The following AIMP1 variants were observed in gnomAD, a reference collection of about 807,000 sequenced individuals.
The protein encoded by AIMP1 is aminoacyl tRNA synthetase complex interacting multifunctional protein 1.
AIMP1 carries 24 observed loss-of-function variants against 33.1 expected under a neutral mutation model. That is an observed-to-expected ratio of 0.73 (90% CI 0.53 to 1.02). The LOEUF (loss-of-function observed/expected upper bound fraction) is 1.02, where lower values mean the gene tolerates loss of function less well. Among genes scored for constraint, AIMP1 ranks in the 50% least tolerant of loss-of-function variants. The pLI is 0.00. For synonymous variants in AIMP1, 120 were observed against 121.5 expected (o/e 0.99, Z 0.08); for missense variants, 367 against 364.8 (o/e 1.01, Z -0.05).
rs1579650962 is a variant in AIMP1 at position 106,348,364 on chromosome 4, C to G, written c.*672C>G. 1 of 151,434 alleles carries G rather than the reference C, an allele frequency of 6.6e-6. No individual in the cohort carries two copies. The highest frequency in any genetic ancestry group is 2.4e-5 in the African/African-American group (1 of 41,326). 9.4% of individuals were successfully genotyped at this position (151,434 alleles called of 1,614,324 possible). On this transcript the variant is annotated 3_prime_UTR_variant, in exon 7 of 7. Transcript: ENST00000672341. ...GTTTTGACTAGGTCTAAAGAATGAA[C>G]ACATTGTAAACAGTTGCCACAGTAG...
At chr4:106,325,183 A>G (rs1466121644) in intron 2 of AIMP1, 65 bp downstream of exon 2, 1 of 1,406,756 alleles carries the variant, frequency 7.1e-7, no homozygotes, top group Non-Finnish European at 9.9e-7. Context: ...TGGAGAAAAA[A>G]TAATGTTTAC....
chr4:106,321,209 C>T (rs62318118), intron 1 of AIMP1: 10,986 of 161,832 alleles, frequency 0.068, 412 homozygotes, highest in Middle Eastern at 0.17. Context: ...GGCCGCCCAT[C>T]GTCGGGGATG....
chr4:106,323,083 T>TTC (rs1769326772), intron 1 of AIMP1, among the ~76,000 whole-genome samples: 1 of 152,194 alleles, frequency 6.6e-6, no homozygotes, highest in South Asian at 2.1e-4. Context: ...TGTATTTCTG[T>TTC]ATTTTGAAAC....
At chr4:106,346,914 G>T (rs1257399719) in intron 6 of AIMP1, among the ~76,000 whole-genome samples, 1 of 152,066 alleles carries the variant, frequency 6.6e-6, no homozygotes, top group Non-Finnish European at 1.5e-5. Flanking sequence ...TGGTTCAGCG[G>T]GCTGTACAGG....
intron 5 of AIMP1, among the ~76,000 whole-genome samples, chr4:106,334,276 CTTTTTTTTT>C (rs34085907): frequency 7.2e-6 from 1 of 139,304 alleles, no homozygotes; most frequent in Non-Finnish European, 1.6e-5. Flanking sequence ...TTTCTTTTTT[CTTTTTTTTT>C]TTTTTTGGAG....
At chr4:106,338,722 G>T (rs1769986197) in intron 6 of AIMP1, among the ~76,000 whole-genome samples, 1 of 152,238 alleles carries the variant, frequency 6.6e-6, no homozygotes, top group African/African-American at 2.4e-5. Flanking sequence ...CTGCCTAGTG[G>T]AGCTGTGAGA....
chr4:106,328,023 T>G lies in AIMP1; in HGVS notation c.224-53T>G, dbSNP rs1389079755. On this transcript the variant is annotated intron_variant, in intron 3 of 6. Coordinates refer to ENST00000672341, the MANE Select transcript of AIMP1 (RefSeq NM_001142416.2). ...TTTGTGGTTCACAATTTCATATTTTTTGTCATATTTATTGGTTTAATATGA... is the reference window on the plus strand; with the variant it reads ...TTTGTGGTTCACAATTTCATATTTTGTGTCATATTTATTGGTTTAATATGA... 9 of 1,597,924 alleles carry G rather than the reference T, an allele frequency of 5.6e-6. No individual in the cohort carries two copies. The East Asian group carries it at 2.0e-4, about 36-fold the overall frequency.
upstream of AIMP1, chr4:106,316,314 C>T (rs535296760): frequency 2.9e-5 from 14 of 476,198 alleles, no homozygotes; most frequent in Non-Finnish European, 4.9e-5. Context: ...CCAAACTGGC[C>T]ACGAAAGGAC....
At chr4:106,327,332 T>G in intron 2 of AIMP1, 119 bp from the exon 3 acceptor site, 2 of 692,560 alleles carry the variant, frequency 2.9e-6, no homozygotes, top group Non-Finnish European at 5.1e-6. Context: ...GCCAAACATT[T>G]GGTTACACTA....
chr4:106,316,615 T>A (rs898573683), intron 1 of AIMP1, 21 bp downstream of exon 1: 3 of 1,549,512 alleles, frequency 1.9e-6, no homozygotes, highest in Non-Finnish European at 2.6e-6. Flanking sequence ...TCGTGGCGGG[T>A]CACTCACTCG....
chr4:106,331,988 T>G lies in AIMP1; in HGVS notation c.603+105T>G. 7 of 1,103,530 alleles carry G rather than the reference T, an allele frequency of 6.3e-6. No homozygotes were observed. In the South Asian group the frequency reaches 8.8e-5, roughly 14 times the overall value. The allele number at this position is 1,103,530 out of a possible 1,614,324, so 68.4% of individuals were successfully genotyped here. ...TTTGTATACCATACAACATGTGCCC[T>G]TGTTAATTAGTTCAGTCGATTAGTT... On this transcript the variant is annotated intron_variant, in intron 5 of 6. Coordinates refer to ENST00000672341, the MANE Select transcript of AIMP1 (RefSeq NM_001142416.2).
intron 6 of AIMP1, among the ~76,000 whole-genome samples, chr4:106,338,765 T>TAA (rs1769988512): frequency 6.6e-6 from 1 of 152,132 alleles, no homozygotes; most frequent in East Asian, 1.9e-4. Flanking sequence ...CCTAGAATCA[T>TAA]AAATCCACTG....
intron 5 of AIMP1, among the ~76,000 whole-genome samples, chr4:106,336,128 G>C (rs560741393): frequency 2.1e-5 from 3 of 141,728 alleles, no homozygotes; most frequent in Admixed American, 1.5e-4. Context: ...CAGCCTCCAG[G>C]CTCAAGCGAT....
intron 4 of AIMP1, among the ~76,000 whole-genome samples, chr4:106,329,253 A>G (rs1343169015): frequency 6.6e-6 from 1 of 152,226 alleles, no homozygotes; most frequent in Non-Finnish European, 1.5e-5. Context: ...TAACTCTTCT[A>G]GTTTATAAAG....
intron 1 of AIMP1, among the ~76,000 whole-genome samples, chr4:106,323,665 T>C (rs1769355284): frequency 1.3e-5 from 2 of 151,966 alleles, no homozygotes; most frequent in South Asian, 4.1e-4. Flanking sequence ...AGCATTTCTT[T>C]AGTTTTTGAT....
At chr4:106,324,520 A>T (rs1029616087) in intron 1 of AIMP1, among the ~76,000 whole-genome samples, 2 of 152,042 alleles carry the variant, frequency 1.3e-5, no homozygotes, top group African/African-American at 4.8e-5. Context: ...TTCTTTTAAT[A>T]TTTATCTTTC....
intron 5 of AIMP1, among the ~76,000 whole-genome samples, chr4:106,335,594 GTTGCTACTCTTAAACACTT>G (rs1769843230): frequency 6.6e-6 from 1 of 152,138 alleles, no homozygotes; most frequent in Admixed American, 6.5e-5. Flanking sequence ...TACTAATCCT[GTTGCTACTCTTAAACACTT>G]TTGCTGTAAC....
chr4:106,331,049 T>C lies in AIMP1; in HGVS notation c.392-623T>C, dbSNP rs147024190. On this transcript the variant is annotated intron_variant, in intron 4 of 6. Coordinates refer to ENST00000672341, the MANE Select transcript of AIMP1 (RefSeq NM_001142416.2). Reference sequence around the variant, plus strand: ...TGTGGATAACCCTAAAATCCTAATATATCTTCAGAGAAATCTAAGAAATGG... The same window carrying C: ...TGTGGATAACCCTAAAATCCTAATACATCTTCAGAGAAATCTAAGAAATGG... Among the ~76,000 whole-genome samples the C allele has an allele frequency of 9.2e-5, 14 of 152,314 alleles. No individual in the cohort carries two copies. In the East Asian group the frequency reaches 2.7e-3, roughly 29 times the overall value.
chr4:106,327,316 G>A (rs1769489637), intron 2 of AIMP1, 135 bp from the exon 3 acceptor site: 1 of 622,566 alleles, frequency 1.6e-6, no homozygotes, highest in Non-Finnish European at 2.9e-6. Flanking sequence ...TGGCATAAAG[G>A]CACTGGCCAA....
Sources: gnomAD v4.1 joint callset for allele counts (sites outside exome capture counted in the v4.1 genomes callset) on GRCh38, gnomAD v4.1.1 for gene constraint, MANE v1.5 for transcripts, NCBI Gene and HGNC (gene_info 2026-07-23, HGNC 2026-07-21) for gene names.